Variants in DPYD observed in about 807,000 individuals in gnomAD.
DPYD encodes dihydropyrimidine dehydrogenase.
A neutral mutation model predicts 116.2 loss-of-function variants in DPYD; 109 were observed. The ratio of observed to expected loss-of-function variants is 0.94; its 90% CI spans 0.80 to 1.10. DPYD has a LOEUF of 1.10. DPYD is among the 50% of genes least tolerant of loss of function. The pLI, the probability that DPYD is intolerant of heterozygous loss-of-function variation, is 0.00. For missense variants in DPYD, 1,302 were observed against 1,254.5 expected (o/e 1.04, Z -0.57); for synonymous variants, 440 against 432.0 (o/e 1.02, Z -0.23).
chr1:97,675,269 G>A lies in DPYD; in HGVS notation c.850+3826C>T, dbSNP rs6692658. Among the ~76,000 whole-genome samples, 8 of 152,184 alleles carry A rather than the reference G, an allele frequency of 5.3e-5. No homozygotes were observed. In the East Asian group the frequency reaches 7.7e-4, roughly 15 times the overall value. Reference sequence around the variant, plus strand: ...TGTATAGTAGATGTTCCAATTCTACGTCTCAATATTTTCAGTAACATGCTG... The same window carrying A: ...TGTATAGTAGATGTTCCAATTCTACATCTCAATATTTTCAGTAACATGCTG... On this transcript the variant is annotated intron_variant, in intron 8 of 22. Transcript: ENST00000370192.
At chr1:97,323,161 A>G (rs1668405023) in intron 16 of DPYD, among the ~76,000 whole-genome samples, 1 of 149,518 alleles carries the variant, frequency 6.7e-6, no homozygotes, top group African/African-American at 2.4e-5. Context: ...ATATGTGTAA[A>G]TATATATGTA....
chr1:97,384,438 A>G (rs903206071), intron 14 of DPYD, among the ~76,000 whole-genome samples: 2 of 152,058 alleles, frequency 1.3e-5, no homozygotes, highest in African/African-American at 4.8e-5. Context: ...ATTAGTCATC[A>G]TCTATCTACA....
intron 8 of DPYD, among the ~76,000 whole-genome samples, chr1:97,639,672 G>A (rs1258108109): frequency 6.6e-6 from 1 of 151,930 alleles, no homozygotes; most frequent in African/African-American, 2.4e-5. Context: ...TATGAAGCTG[G>A]GTCCTTCAGC....
At chr1:97,856,582 C>G (rs1439051239) in intron 2 of DPYD, 1 of 152,192 alleles carries the variant, frequency 6.6e-6, no homozygotes, top group Non-Finnish European at 1.5e-5. Flanking sequence ...AAAAAATATC[C>G]TAATATCCTT....
intron 14 of DPYD, among the ~76,000 whole-genome samples, chr1:97,404,966 C>A (rs1376028825): frequency 1.0e-5 from 1 of 99,698 alleles, no homozygotes; most frequent in Admixed American, 9.7e-5. Flanking sequence ...TTTTTTTTTA[C>A]TTTTTGTAGT....
At chr1:97,492,926 C>G (rs1432239874) in intron 13 of DPYD, among the ~76,000 whole-genome samples, 1 of 152,130 alleles carries the variant, frequency 6.6e-6, no homozygotes, top group Non-Finnish European at 1.5e-5. Flanking sequence ...ACTGCTTCCA[C>G]TGCAGACTGT....
intron 2 of DPYD, among the ~76,000 whole-genome samples, chr1:97,848,783 C>A (rs1670432932): frequency 6.6e-6 from 1 of 152,058 alleles, no homozygotes; most frequent in Admixed American, 6.6e-5. Flanking sequence ...AAATAAAGAA[C>A]AAAGGTTTTC....
At chr1:97,376,537 A>C (rs556433143) in intron 15 of DPYD, among the ~76,000 whole-genome samples, 1 of 152,262 alleles carries the variant, frequency 6.6e-6, no homozygotes, top group Admixed American at 6.5e-5. Flanking sequence ...AGGAACATTC[A>C]TGTGGCCTCT....
rs77095207 is a variant in DPYD, at chr1:97,893,139, T to C, written c.40-9765A>G. On this transcript the variant is annotated intron_variant, in intron 1 of 22. Transcript: ENST00000370192. ...CCCAATGTATACTCATATTCCTATA[T>C]TGTCAATTCTGAATGTATACATGGG... is the stretch of plus-strand genomic sequence containing the variant. Among the ~76,000 whole-genome samples, 501 of 151,812 alleles carry C rather than the reference T, an allele frequency of 3.3e-3. 5 individuals are homozygous for C. Among genetic ancestry groups the C allele is most frequent in the African/African-American group, 0.012 (489 of 41,510 alleles).
chr1:97,139,339 C>A (rs539355639), intron 20 of DPYD, among the ~76,000 whole-genome samples: 116 of 151,948 alleles, frequency 7.6e-4, no homozygotes, highest in African/African-American at 2.7e-3. Context: ...TTTTGTTCTT[C>A]TGAGAAACAA....
intron 16 of DPYD, among the ~76,000 whole-genome samples, chr1:97,320,303 G>T (rs1668169688): frequency 7.4e-6 from 1 of 135,534 alleles, no homozygotes; most frequent in Non-Finnish European, 1.6e-5. Context: ...GTCCCTGTTT[G>T]CAGACGACAT....
intron 14 of DPYD, among the ~76,000 whole-genome samples, chr1:97,415,105 C>CA (rs1674219684): frequency 6.6e-6 from 1 of 152,000 alleles, no homozygotes; most frequent in African/African-American, 2.4e-5. Flanking sequence ...GAAAAACAAA[C>CA]AAACAAAACC....
intron 16 of DPYD, among the ~76,000 whole-genome samples, chr1:97,322,143 G>A (rs1374743614): frequency 6.3e-5 from 9 of 142,478 alleles, no homozygotes; most frequent in South Asian, 2.4e-4. Context: ...TAGATGACGC[G>A]TTAGTGGGTG....
intron 2 of DPYD, among the ~76,000 whole-genome samples, chr1:97,871,894 C>A (rs1180644087): frequency 6.6e-6 from 1 of 151,702 alleles, no homozygotes; most frequent in East Asian, 1.9e-4. Context: ...TAATGATAAG[C>A]AATAATACTT....
chr1:97,440,949 T>A (rs1570738161), intron 14 of DPYD, among the ~76,000 whole-genome samples: 1 of 152,204 alleles, frequency 6.6e-6, no homozygotes, highest in Non-Finnish European at 1.5e-5. Flanking sequence ...TGTGGCTGGA[T>A]TTTGAAATCT....
intron 13 of DPYD, among the ~76,000 whole-genome samples, chr1:97,505,013 G>T (rs1336496743): frequency 6.6e-6 from 1 of 151,966 alleles, no homozygotes; most frequent in African/African-American, 2.4e-5. Flanking sequence ...GGGGACTTGG[G>T]TGGTCATTGG....
At chr1:97,385,028 T>G (rs1672244746) in intron 14 of DPYD, among the ~76,000 whole-genome samples, 1 of 151,996 alleles carries the variant, frequency 6.6e-6, no homozygotes, top group South Asian at 2.1e-4. Flanking sequence ...AGAATGCTTG[T>G]TCCATGGCCT....
intron 19 of DPYD, among the ~76,000 whole-genome samples, chr1:97,206,240 G>T (rs1482821192): frequency 6.6e-6 from 1 of 151,516 alleles, no homozygotes; most frequent in Non-Finnish European, 1.5e-5. Context: ...GGAAAAGTTT[G>T]GTGTATTTTA....
At chr1:97,089,050 A>G (rs1203521610) in intron 21 of DPYD, among the ~76,000 whole-genome samples, 1 of 152,134 alleles carries the variant, frequency 6.6e-6, no homozygotes, top group African/African-American at 2.4e-5. Context: ...TTCAATTGAA[A>G]TAATAAAGCA....
Sources: allele counts gnomAD v4.1 joint callset (sites outside exome capture counted in the v4.1 genomes callset), GRCh38; gene constraint gnomAD v4.1.1; transcripts MANE v1.5; gene names NCBI Gene and HGNC (gene_info 2026-07-23, HGNC 2026-07-21).